The following EYS variants were observed in gnomAD, a reference collection of about 807,000 sequenced individuals.
EYS encodes protein eyes shut homolog.
Under a neutral mutation model 282.1 loss-of-function variants are expected in EYS, and 250 were observed. The observed-to-expected ratio is 0.89, with a 90% CI of 0.80 to 0.98. EYS has a LOEUF of 0.98. Among genes scored for constraint, EYS ranks in the 50% least tolerant of loss-of-function variants. The probability of loss-of-function intolerance (pLI) is 0.00; values close to 1 mark genes in which losing one functional copy is unlikely to be tolerated. For synonymous variants in EYS, 1,355 were observed against 1,282.9 expected, an observed-to-expected ratio of 1.06 and a Z score of -1.20; for missense variants, 4,016 against 3,709.0, an observed-to-expected ratio of 1.08 and a Z score of -2.15.
intron 4 of EYS, among the ~76,000 whole-genome samples, chr6:65,494,198 T>C (rs1399988493): frequency 6.6e-6 from 1 of 152,096 alleles, no homozygotes; most frequent in African/African-American, 2.4e-5. Context: ...GATTTGTATA[T>C]GTCCAGAATC....
At chr6:64,699,871 C>T (rs181950542) in intron 22 of EYS, among the ~76,000 whole-genome samples, 12 of 151,958 alleles carry the variant, frequency 7.9e-5, no homozygotes, top group South Asian at 2.1e-4. Flanking sequence ...ATGTCAAGGC[C>T]GGAAAGGGAC....
chr6:65,539,357 CAT>C (rs1319210696), intron 2 of EYS, among the ~76,000 whole-genome samples: 2 of 152,174 alleles, frequency 1.3e-5, no homozygotes, highest in African/African-American at 2.4e-5. Flanking sequence ...AAGCCAAAGA[CAT>C]AGTTCTCATT....
chr6:64,997,717 A>G lies in EYS; in HGVS notation c.2138-14T>C. 2 of 1,549,892 alleles carry G rather than the reference A, an allele frequency of 1.3e-6. No individual in the cohort carries two copies. Among genetic ancestry groups the G allele is most frequent in the South Asian group, 1.2e-5 (1 of 83,870 alleles). On this transcript the variant is annotated splice_polypyrimidine_tract_variant and intron_variant, in intron 13 of 42. Transcript: ENST00000503581. ...AGCCATCAACCACTGGAAACAACAG[A>G]AAAGAGAAAACTCTTAACATTCCTT...
At chr6:65,317,877 TCTTTCTTTCA>T (rs1769353058) in intron 11 of EYS, among the ~76,000 whole-genome samples, 1 of 59,208 alleles carries the variant, frequency 1.7e-5, no homozygotes, top group Non-Finnish European at 3.4e-5. Context: ...TTTCTTTCTT[TCTTTCTTTCA>T]GACAGAGTCT....
chr6:65,247,343 T>C (rs1004928719), intron 12 of EYS, among the ~76,000 whole-genome samples: 7 of 152,088 alleles, frequency 4.6e-5, no homozygotes, highest in Admixed American at 1.3e-4. Context: ...TGTCAATTTA[T>C]TTGAGAAGTT....
chr6:64,358,422 A>C (rs955101671), intron 29 of EYS, among the ~76,000 whole-genome samples: 5 of 151,634 alleles, frequency 3.3e-5, no homozygotes, highest in Non-Finnish European at 7.4e-5. Flanking sequence ...TGGTACCTAC[A>C]GGTATTTGGG....
intron 5 of EYS, among the ~76,000 whole-genome samples, chr6:65,478,490 T>C (rs1334943901): frequency 1.3e-5 from 2 of 152,090 alleles, no homozygotes; most frequent in African/African-American, 4.8e-5. Flanking sequence ...ATTGGTTCAT[T>C]TAGTCTTAAG....
intron 12 of EYS, among the ~76,000 whole-genome samples, chr6:65,118,565 C>A (rs1775444592): frequency 6.6e-6 from 1 of 152,122 alleles, no homozygotes; most frequent in African/African-American, 2.4e-5. Context: ...GCTGGATATC[C>A]CACCTCTCCA....
chr6:65,632,844 T>C (rs1205016051), intron 2 of EYS, among the ~76,000 whole-genome samples: 1 of 152,154 alleles, frequency 6.6e-6, no homozygotes, highest in Non-Finnish European at 1.5e-5. Flanking sequence ...GGTGAAGAAA[T>C]TGAGTCCCAA....
chr6:64,285,615 T>C (rs952218433), intron 30 of EYS, among the ~76,000 whole-genome samples: 1 of 152,286 alleles, frequency 6.6e-6, no homozygotes, highest in East Asian at 1.9e-4. Context: ...CTGGTACCAA[T>C]TTACTGTATT....
intron 24 of EYS, among the ~76,000 whole-genome samples, chr6:64,599,439 A>G (rs1347424852): frequency 6.6e-6 from 1 of 152,190 alleles, no homozygotes; most frequent in Non-Finnish European, 1.5e-5. Context: ...AGTTTAGTGA[A>G]TGATTTGTAA....
At chr6:64,189,139 G>T (rs1231679939) in intron 31 of EYS, among the ~76,000 whole-genome samples, 1 of 98,212 alleles carries the variant, frequency 1.0e-5, no homozygotes, top group Non-Finnish European at 2.7e-5. Flanking sequence ...GAGAATAGCT[G>T]TCATCAGCAC....
chr6:64,019,230 G>A (rs1769056766), intron 33 of EYS, among the ~76,000 whole-genome samples: 1 of 152,170 alleles, frequency 6.6e-6, no homozygotes, highest in Non-Finnish European at 1.5e-5. Context: ...GGAAGAGGCA[G>A]TAATGGATTT....
intron 26 of EYS, among the ~76,000 whole-genome samples, chr6:64,499,114 C>A (rs1776967232): frequency 2.0e-5 from 3 of 152,284 alleles, no homozygotes. Flanking sequence ...CACATCTTTG[C>A]CAGCATCTGT....
chr6:64,247,684 G>A (rs1767062905), intron 30 of EYS, among the ~76,000 whole-genome samples: 1 of 152,044 alleles, frequency 6.6e-6, no homozygotes, highest in Non-Finnish European at 1.5e-5. Flanking sequence ...CATTGAGGGT[G>A]ACTCTATACC....
At chr6:65,258,979 GA>G (rs1460719864) in intron 12 of EYS, among the ~76,000 whole-genome samples, 2 of 151,954 alleles carry the variant, frequency 1.3e-5, no homozygotes, top group Admixed American at 6.6e-5. Context: ...GGGGAGTACA[GA>G]AGAAAAAATA....
chr6:65,342,910 G>T (rs115092152), intron 10 of EYS, among the ~76,000 whole-genome samples: 3,113 of 150,816 alleles, frequency 0.021, 113 homozygotes, highest in African/African-American at 0.072. Context: ...CCTGACAAAG[G>T]TTTACAGTTA....
At chr6:64,803,211 G>A (rs1433285206) in intron 22 of EYS, among the ~76,000 whole-genome samples, 2 of 152,130 alleles carry the variant, frequency 1.3e-5, no homozygotes. Context: ...AGAGTGGGTA[G>A]CTCCTTTCCA....
intron 19 of EYS, among the ~76,000 whole-genome samples, chr6:64,867,619 G>C (rs541439190): frequency 3.3e-5 from 5 of 151,594 alleles, no homozygotes; most frequent in African/African-American, 9.6e-5. Context: ...TCTTATCTTT[G>C]ATGGCAGGAG....
Sources: allele counts gnomAD v4.1 joint callset (sites outside exome capture counted in the v4.1 genomes callset), GRCh38; gene constraint gnomAD v4.1.1; transcripts MANE v1.5; gene names NCBI Gene and HGNC (gene_info 2026-07-23, HGNC 2026-07-21).